PPM1B: variants seen among roughly 807,000 people sequenced by gnomAD.
The protein encoded by PPM1B is protein phosphatase, Mg2+/Mn2+ dependent 1B.
In PPM1B, 22 loss-of-function variants were observed where a neutral mutation model predicts 43.0. The ratio of observed to expected loss-of-function variants is 0.51; its 90% confidence interval spans 0.37 to 0.73. The LOEUF (loss-of-function observed/expected upper bound fraction) is 0.73. Among genes scored for constraint, PPM1B ranks in the 30% least tolerant of loss-of-function variants. PPM1B has a pLI of 0.00. For synonymous variants in PPM1B, 217 were observed against 197.9 expected (o/e 1.10, Z -0.81); for missense variants, 632 against 584.2 (o/e 1.08, Z -0.84).
intron 2 of PPM1B, among the ~76,000 whole-genome samples, chr2:44,208,291 A>C (rs1243433027): frequency 1.3e-5 from 2 of 152,242 alleles, no homozygotes; most frequent in Non-Finnish European, 2.9e-5. Context: ...AAAGATTCTG[A>C]AACTACTTGC....
At chr2:44,187,282 A>G (rs557444491) in intron 1 of PPM1B, among the ~76,000 whole-genome samples, 5 of 152,204 alleles carry the variant, frequency 3.3e-5, no homozygotes, top group Non-Finnish European at 5.9e-5. Context: ...TTCTGTGTAT[A>G]TACTACATTT....
chr2:44,175,098 C>T (rs1667518661), intron 1 of PPM1B, among the ~76,000 whole-genome samples: 2 of 152,096 alleles, frequency 1.3e-5, no homozygotes, highest in Non-Finnish European at 1.5e-5. Context: ...TACTAAAATA[C>T]AGAAAATTAG....
At chr2:44,185,718 A>G (rs1668087297) in intron 1 of PPM1B, among the ~76,000 whole-genome samples, 1 of 151,766 alleles carries the variant, frequency 6.6e-6, no homozygotes, top group Admixed American at 6.5e-5. Flanking sequence ...GCTTTTGGAG[A>G]ATTATTGAAA....
chr2:44,182,487 C>T (rs1187896625), intron 1 of PPM1B, among the ~76,000 whole-genome samples: 1 of 152,104 alleles, frequency 6.6e-6, no homozygotes, highest in Non-Finnish European at 1.5e-5. Flanking sequence ...TCTCAAACTC[C>T]CCACCTCAGG....
rs565286440 is a variant in PPM1B at position 44,213,774 on chromosome 2, G to C, written c.965-4193G>C. 3.9e-5 allele frequency: 6 copies of C among 152,294 alleles called. No individual in the cohort carries two copies. The South Asian group carries it at 8.3e-4, about 21-fold the overall frequency. The allele number at this position is 152,294 out of a possible 1,614,324, so 9.4% of individuals were successfully genotyped here. On this transcript the variant is annotated intron_variant, in intron 3 of 5. Coordinates refer to ENST00000282412, the MANE Select transcript of PPM1B (RefSeq NM_002706.6). ...GAGAAACATGTAAGAACACATTGAA[G>C]ATTATGTCAGATGCGGTCATATTCC... is the stretch of plus-strand genomic sequence containing the variant.
chr2:44,207,056 C>G lies in PPM1B; in HGVS notation c.847-2154C>G, dbSNP rs544641806. On this transcript the variant is annotated intron_variant, in intron 2 of 5. Coordinates refer to ENST00000282412, the MANE Select transcript of PPM1B (RefSeq NM_002706.6). The stretch of plus-strand genomic sequence containing the variant: ...TTTGGAAATGGTTTTTCCAGATAAC[C>G]GGGAATCTAATGAAATACTCAAGTT... Among the ~76,000 whole-genome samples, 191 of 152,018 alleles carry G rather than the reference C, an allele frequency of 1.3e-3. 1 individual carries two copies. Among genetic ancestry groups the G allele is most frequent in the Non-Finnish European group, 2.3e-3 (153 of 67,988 alleles).
chr2:44,172,724 A>G (rs1667404986), intron 1 of PPM1B, among the ~76,000 whole-genome samples: 1 of 152,152 alleles, frequency 6.6e-6, no homozygotes, highest in African/African-American at 2.4e-5. Context: ...AGCCTGGGCA[A>G]CATAGCAAGA....
intron 3 of PPM1B, among the ~76,000 whole-genome samples, chr2:44,216,893 C>T (rs1669743840): frequency 8.1e-6 from 1 of 124,178 alleles, no homozygotes; most frequent in African/African-American, 2.8e-5. Flanking sequence ...CCACTGCACT[C>T]CAGTGTCTCA....
At chr2:44,226,851 C>G (rs1670236518) in intron 5 of PPM1B, among the ~76,000 whole-genome samples, 1 of 144,166 alleles carries the variant, frequency 6.9e-6, no homozygotes, top group Admixed American at 7.2e-5. Context: ...CTCTTAAAGA[C>G]TGACAAGGTT....
chr2:44,176,572 A>G (rs1425865982), intron 1 of PPM1B, among the ~76,000 whole-genome samples: 1 of 152,084 alleles, frequency 6.6e-6, no homozygotes, highest in Non-Finnish European at 1.5e-5. Context: ...TTGCACTTAG[A>G]TGTGTGAAGC....
intron 1 of PPM1B, among the ~76,000 whole-genome samples, chr2:44,200,810 A>G (rs1433357976): frequency 6.6e-6 from 1 of 152,042 alleles, no homozygotes; most frequent in Admixed American, 6.6e-5. Context: ...CGAACCCTAG[A>G]CTCACCTTGT....
intron 1 of PPM1B, among the ~76,000 whole-genome samples, chr2:44,186,161 G>A (rs1668107643): frequency 6.6e-6 from 1 of 151,994 alleles, no homozygotes; most frequent in Non-Finnish European, 1.5e-5. Flanking sequence ...AACTTAAGCT[G>A]GTTATTAGAT....
rs1177168295 is a variant in PPM1B at position 44,198,017 on chromosome 2, A to G, written c.-14-3169A>G. Among the ~76,000 whole-genome samples, 7 of 152,298 alleles carry G rather than the reference A, an allele frequency of 4.6e-5. No individual in the cohort carries two copies. The East Asian group carries it at 1.3e-3, about 29-fold the overall frequency. Reference sequence around the variant, plus strand: ...CTAACACCACCGCATTTTCTTTGATAGGAAGCAGATGGGATTGACAGATTG... The same window carrying G: ...CTAACACCACCGCATTTTCTTTGATGGGAAGCAGATGGGATTGACAGATTG... On this transcript the variant is annotated intron_variant, in intron 1 of 5. Coordinates refer to ENST00000282412, the MANE Select transcript of PPM1B (RefSeq NM_002706.6).
chr2:44,226,198 ATC>A (rs1461323790), intron 5 of PPM1B, among the ~76,000 whole-genome samples: 2 of 151,842 alleles, frequency 1.3e-5, no homozygotes, highest in Non-Finnish European at 2.9e-5. Flanking sequence ...GATGGTGTCC[ATC>A]TCTTGACCTC....
At chr2:44,224,944 T>C (rs1670146111) in intron 5 of PPM1B, among the ~76,000 whole-genome samples, 1 of 152,198 alleles carries the variant, frequency 6.6e-6, no homozygotes, top group Admixed American at 6.5e-5. Context: ...TATGAGGTAC[T>C]TCCTATGCAA....
chr2:44,230,588 C>A lies in PPM1B; in HGVS notation c.1310C>A (p.Thr437Asn). Residue 437 changes from threonine to asparagine, a missense_variant, in exon 6 of 6, where the codon ACT (threonine) becomes AAT (asparagine). Physicochemically the swap from Thr to Asn is moderately conservative, Grantham distance 65. Transcript: ENST00000282412. ...CCTGCTGAACCAGCTGCCACAGCTA[C>A]TTCTTCGAACAGTGATGCTGGAAAC... ...ESPAEPAATA[T>N]SSNSDAGNPV... 1 of 1,614,162 alleles carries A rather than the reference C, an allele frequency of 6.2e-7. No individual in the cohort carries two copies. The highest frequency in any genetic ancestry group is 8.5e-7 in the Non-Finnish European group (1 of 1,180,006).
intron 2 of PPM1B, among the ~76,000 whole-genome samples, chr2:44,208,277 T>C (rs1225216928): frequency 2.0e-5 from 3 of 152,198 alleles, no homozygotes; most frequent in African/African-American, 7.2e-5. Flanking sequence ...TTTAGCCACT[T>C]TATAAAGATT....
intron 4 of PPM1B, 128 bp downstream of exon 4, chr2:44,218,206 A>G (rs1454498795): frequency 2.7e-6 from 2 of 729,996 alleles, no homozygotes; most frequent in African/African-American, 3.6e-5. Flanking sequence ...TTCTTATACT[A>G]GAGAAGAACT....
chr2:44,244,263 T>C lies in PPM1B; in HGVS notation n.1582T>C, dbSNP rs1280924273. The C allele has an allele frequency of 5.2e-6, 7 of 1,358,772 alleles. No individual in the cohort carries two copies. The South Asian group carries it at 5.8e-5, about 11-fold the overall frequency. The allele number at this position is 1,358,772 out of a possible 1,614,324, so 84.2% of individuals were successfully genotyped here. ...TGGGCACGTCCATCTGTAAACCTGCTGAGAGCTCTGGTGACAAGAAAGGCA... is the reference window on the plus strand; with the variant it reads ...TGGGCACGTCCATCTGTAAACCTGCCGAGAGCTCTGGTGACAAGAAAGGCA... On this transcript the variant is annotated non_coding_transcript_exon_variant, in exon 6 of 6. Transcript: ENST00000378540.
Sources: gnomAD v4.1 joint callset for allele counts (sites outside exome capture counted in the v4.1 genomes callset) on GRCh38, gnomAD v4.1.1 for gene constraint, MANE v1.5 for transcripts, NCBI Gene and HGNC (gene_info 2026-07-23, HGNC 2026-07-21) for gene names.